USP14: variants seen among roughly 807,000 people sequenced by gnomAD.
USP14 encodes ubiquitin carboxyl-terminal hydrolase 14.
A neutral mutation model predicts 76.5 loss-of-function variants in USP14; 38 were observed. That is an observed-to-expected ratio of 0.50 (90% CI 0.38 to 0.65). The LOEUF is 0.65. USP14 is among the 30% of genes least tolerant of loss of function. The probability of loss-of-function intolerance (pLI) is 0.00; values close to 1 mark genes in which losing one functional copy is unlikely to be tolerated. For synonymous variants in USP14, 192 were observed against 191.7 expected (o/e 1.00, Z -0.01); for missense variants, 467 against 586.5 (o/e 0.80, Z 2.10).
chr18:186,543 A>C lies in USP14; in HGVS notation c.404+6204A>C, dbSNP rs1166617735. On this transcript the variant is annotated intron_variant, in intron 5 of 15. Coordinates refer to ENST00000261601, the MANE Select transcript of USP14 (RefSeq NM_005151.4). The stretch of plus-strand genomic sequence containing the variant: ...TGAGGCGGGCAGATCACCGAAGGTC[A>C]GGAGTTCAAGACCAGCTTGGCTAAC... Among the ~76,000 whole-genome samples the C allele has an allele frequency of 2.0e-5, 3 of 152,304 alleles. No homozygotes were observed. In the East Asian group the frequency reaches 5.8e-4, roughly 29 times the overall value.
At chr18:191,309 C>A (rs1817049530) in intron 5 of USP14, among the ~76,000 whole-genome samples, 1 of 151,888 alleles carries the variant, frequency 6.6e-6, no homozygotes, top group Admixed American at 6.6e-5. Flanking sequence ...AAGATGCAAA[C>A]AAATGAAAAA....
intron 10 of USP14, among the ~76,000 whole-genome samples, chr18:200,577 G>C (rs1334664014): frequency 6.6e-6 from 1 of 152,072 alleles, no homozygotes; most frequent in South Asian, 2.1e-4. Context: ...TAAAGAATAC[G>C]GACTCACATA....
At chr18:205,872 G>T (rs1910515901) in intron 13 of USP14, among the ~76,000 whole-genome samples, 2 of 152,234 alleles carry the variant, frequency 1.3e-5, no homozygotes, top group South Asian at 2.1e-4. Flanking sequence ...CTCATCCAGG[G>T]TGTTGTGCAT....
intron 3 of USP14, among the ~76,000 whole-genome samples, chr18:171,632 C>T (rs2144221223): frequency 6.6e-6 from 1 of 152,258 alleles, no homozygotes; most frequent in South Asian, 2.1e-4. Context: ...TTCCTGTCTG[C>T]TACAACAACT....
chr18:173,353 A>C (rs527698501), intron 3 of USP14, among the ~76,000 whole-genome samples: 63 of 151,508 alleles, frequency 4.2e-4, no homozygotes, highest in Middle Eastern at 6.8e-3. Flanking sequence ...CCTCGTGATC[A>C]GCCCGCCTTG....
At chr18:208,123 T>C (rs1310598555) in intron 13 of USP14, among the ~76,000 whole-genome samples, 1 of 152,010 alleles carries the variant, frequency 6.6e-6, no homozygotes, top group East Asian at 1.9e-4. Context: ...TTTTTTCTAT[T>C]GCCTAAACAT....
At chr18:166,721 T>A in intron 2 of USP14, 66 bp from the exon 3 acceptor site, 1 of 1,442,600 alleles carries the variant, frequency 6.9e-7, no homozygotes, top group Non-Finnish European at 9.6e-7. Flanking sequence ...TAAAATAAAT[T>A]GATTATTAGA....
chr18:192,797 G>A (rs926971388), intron 5 of USP14, 45 bp from the exon 6 acceptor site: 1 of 1,587,890 alleles, frequency 6.3e-7, no homozygotes, highest in Middle Eastern at 1.7e-4. Context: ...TTGAGTGTTA[G>A]AATGAATTGA....
chr18:189,181 A>G (rs1910018524), intron 5 of USP14, among the ~76,000 whole-genome samples: 1 of 150,876 alleles, frequency 6.6e-6, no homozygotes, highest in African/African-American at 2.4e-5. Flanking sequence ...AGAGATTTGT[A>G]TTTTAGTTTT....
chr18:184,811 G>A (rs990899049), intron 5 of USP14, among the ~76,000 whole-genome samples: 3 of 152,022 alleles, frequency 2.0e-5, no homozygotes, highest in Non-Finnish European at 4.4e-5. Flanking sequence ...GTATAATGAT[G>A]GAGGGTAGAA....
chr18:179,162 T>G, intron 4 of USP14, 125 bp downstream of exon 4: 2 of 620,400 alleles, frequency 3.2e-6, no homozygotes, highest in Non-Finnish European at 5.4e-6. Context: ...ATAGATATTT[T>G]TAGCAGTAAA....
intron 8 of USP14, 63 bp from the exon 9 acceptor site, chr18:197,984 G>A (rs1267628250): frequency 1.4e-6 from 2 of 1,402,328 alleles, no homozygotes; most frequent in South Asian, 1.3e-5. Flanking sequence ...AAACTGGATT[G>A]TGTGGAAGAA....
At chr18:206,347 A>G (rs1016952225) in intron 13 of USP14, among the ~76,000 whole-genome samples, 5 of 152,124 alleles carry the variant, frequency 3.3e-5, no homozygotes, top group African/African-American at 1.2e-4. Context: ...CTATCTGTAT[A>G]TCCTCTTTTG....
Position 214,474 on chromosome 18 carries a change from AAT to A in USP14, c.*3193_*3194del, listed in dbSNP as rs1910788626. The stretch of plus-strand genomic sequence containing the variant: ...ACCTCCCCAAACTCTGGTTTGAGCC[AAT>A]ATGTGTTCTATTGTTCTCAGAGCAC... On this transcript the variant is annotated 3_prime_UTR_variant, in exon 16 of 16. Transcript: ENST00000261601. The A allele has an allele frequency of 1.5e-6, 1 of 650,708 alleles. No individual in the cohort carries two copies. Among genetic ancestry groups the A allele is most frequent in the South Asian group, 2.1e-5 (1 of 47,060 alleles). The allele number at this position is 650,708 out of a possible 1,614,324, so 40.3% of individuals were successfully genotyped here. A position where few individuals can be genotyped will look rare whatever the true frequency, so the allele number is the denominator to read the frequency against.
At chr18:180,152 G>T in intron 4 of USP14, 84 bp from the exon 5 acceptor site, 1 of 649,158 alleles carries the variant, frequency 1.5e-6, no homozygotes. Context: ...TTCAAAATGA[G>T]AATTTTAGTG....
At chr18:166,723 A>G in intron 2 of USP14, 64 bp from the exon 3 acceptor site, 1 of 1,451,482 alleles carries the variant, frequency 6.9e-7, no homozygotes, top group Non-Finnish European at 9.5e-7. Context: ...AAATAAATTG[A>G]TTATTAGATT....
In USP14 at chr18:163,357, A is replaced by G. The variant is rs1447406722; in HGVS notation, c.66A>G (p.Thr22=). 1 of 1,613,932 alleles carries G rather than the reference A, an allele frequency of 6.2e-7. No homozygotes were observed. The highest frequency in any genetic ancestry group is 8.5e-7 in the Non-Finnish European group (1 of 1,179,964). The part of the protein sequence containing the change: ...KEKFEGVELN[T]DEPPMVFKAQ... Reference sequence around the variant, plus strand: ...AATTTGAAGGTGTAGAATTGAATACAGATGAACCTCCAATGGTATTCAAGG... The same window carrying G: ...AATTTGAAGGTGTAGAATTGAATACGGATGAACCTCCAATGGTATTCAAGG... Residue 22 remains threonine, a synonymous_variant, in exon 2 of 16, where the codon ACA becomes ACG. Coordinates refer to ENST00000261601, the MANE Select transcript of USP14 (RefSeq NM_005151.4).
rs1447150310 is a variant in USP14, at chr18:171,020, AAAAAAATATAT to A, written c.195+4203_195+4213del. Reference sequence around the variant, plus strand: ...TGTACCCTGGAACTTAAAAAAAAAAAAAAAAATATATATATATATATATATATATATATATA... The same window carrying A: ...TGTACCCTGGAACTTAAAAAAAAAAAATATATATATATATATATATATATA... On this transcript the variant is annotated intron_variant, in intron 3 of 15. Transcript: ENST00000261601. Among the ~76,000 whole-genome samples the A allele has an allele frequency of 4.4e-3, 402 of 91,414 alleles. 5 individuals carry two copies. The highest frequency in any genetic ancestry group is 5.8e-3 in the South Asian group (14 of 2,430). The allele number at this position is 91,414 out of a possible 152,430, so 60.0% of individuals were successfully genotyped here.
In USP14 at chr18:163,433, G is replaced by A. The variant is rs765672786; in HGVS notation, c.142G>A (p.Val48Met). Reference sequence around the variant, plus strand: ...CCAGCCTGCCAGACAGAAAGTTATGGTGAAAGGAGGAACGCTAAAGGTAAA... The same window carrying A: ...CCAGCCTGCCAGACAGAAAGTTATGATGAAAGGAGGAACGCTAAAGGTAAA... ...GVQPARQKVM[V>M]KGGTLKDDDW... Residue 48 changes from valine to methionine, a missense_variant, in exon 2 of 16, where the codon GTG (valine) becomes ATG (methionine). By Grantham distance (21) the Val-to-Met change is conservative. Coordinates refer to ENST00000261601, the MANE Select transcript of USP14 (RefSeq NM_005151.4). 3.7e-6 allele frequency: 6 copies of A among 1,613,406 alleles called. No homozygotes were observed. The highest frequency in any genetic ancestry group is 4.2e-6 in the Non-Finnish European group (5 of 1,179,744).
Sources: allele counts gnomAD v4.1 joint callset (sites outside exome capture counted in the v4.1 genomes callset), GRCh38; gene constraint gnomAD v4.1.1; transcripts MANE v1.5; gene names NCBI Gene and HGNC (gene_info 2026-07-23, HGNC 2026-07-21).